The following MGAT4C variants were observed in gnomAD, a reference collection of about 807,000 sequenced individuals.
The protein encoded by MGAT4C is MGAT4 family member C, also known as alpha-1,3-mannosyl-glycoprotein 4-beta-N-acetylglucosaminyltransferase C.
In MGAT4C, 19 loss-of-function variants were observed where a neutral mutation model predicts 40.1. The ratio of observed to expected loss-of-function variants is 0.47; its 90% CI spans 0.33 to 0.70. The LOEUF is 0.70. MGAT4C is among the 30% of genes least tolerant of loss of function. MGAT4C has a pLI of 0.02. For synonymous variants in MGAT4C, 181 were observed against 187.1 expected, an observed-to-expected ratio of 0.97 and a Z score of 0.27; for missense variants, 491 against 563.2, an observed-to-expected ratio of 0.87 and a Z score of 1.30.
chr12:86,019,201 ATAACT>A (rs1234292357), intron 2 of MGAT4C, among the ~76,000 whole-genome samples: 2 of 152,144 alleles, frequency 1.3e-5, no homozygotes, highest in African/African-American at 4.8e-5. Flanking sequence ...GATGATGAAA[ATAACT>A]TAAGTCTTTC....
chr12:86,348,897 A>T (rs1955098351), intron 3 of MGAT4C, among the ~76,000 whole-genome samples: 1 of 152,044 alleles, frequency 6.6e-6, no homozygotes, highest in Non-Finnish European at 1.5e-5. Flanking sequence ...CTATTAATAG[A>T]TTTTATTTTA....
At chr12:86,490,240 C>G (rs1958106651) in intron 2 of MGAT4C, among the ~76,000 whole-genome samples, 1 of 152,070 alleles carries the variant, frequency 6.6e-6, no homozygotes, top group Non-Finnish European at 1.5e-5. Context: ...AGAAACCCTA[C>G]AAGCCAGAAG....
At chr12:86,496,651 A>G (rs1299902778) in intron 2 of MGAT4C, among the ~76,000 whole-genome samples, 2 of 152,022 alleles carry the variant, frequency 1.3e-5, no homozygotes, top group Non-Finnish European at 2.9e-5. Context: ...TTGTTAACAA[A>G]TCTGATTGCA....
At chr12:86,197,758 A>G (rs1949877713) in intron 1 of MGAT4C, among the ~76,000 whole-genome samples, 1 of 152,218 alleles carries the variant, frequency 6.6e-6, no homozygotes. Context: ...AAACATCATC[A>G]TCTTTTTAAC....
In MGAT4C at chr12:85,967,037, A is replaced by C. The variant is rs1490363668; in HGVS notation, c.*12252T>G. On this transcript the variant is annotated 3_prime_UTR_variant, in exon 5 of 5. Transcript: ENST00000611864. ...TTGTGCACATGTACCCTAAAACTTA[A>C]AGTATAATAATAAAAAAATTCTTAG... 6.6e-6 allele frequency: 1 copy of C among 152,164 alleles called. No individual in the cohort carries two copies. The highest frequency in any genetic ancestry group is 2.4e-5 in the African/African-American group (1 of 41,436). 9.4% of individuals were successfully genotyped at this position (152,164 alleles called of 1,614,324 possible).
intron 2 of MGAT4C, among the ~76,000 whole-genome samples, chr12:85,999,634 C>A (rs1887074554): frequency 6.8e-6 from 1 of 147,160 alleles, no homozygotes; most frequent in Non-Finnish European, 1.5e-5. Context: ...TACTATTTAG[C>A]CATAAAATAG....
chr12:86,224,064 G>T (rs190800774), intron 1 of MGAT4C, among the ~76,000 whole-genome samples: 2 of 152,098 alleles, frequency 1.3e-5, no homozygotes, highest in African/African-American at 4.8e-5. Flanking sequence ...TGGCCCGTGT[G>T]TACCTACTAA....
At chr12:86,488,987 G>A (rs1958077673) in intron 2 of MGAT4C, among the ~76,000 whole-genome samples, 1 of 152,136 alleles carries the variant, frequency 6.6e-6, no homozygotes, top group Non-Finnish European at 1.5e-5. Context: ...CAAAGTGGGA[G>A]CTTCTATCCC....
rs1368765339 is a variant in MGAT4C at position 86,477,089 on chromosome 12, A to AAT, written c.-228-41826_-228-41825dup. On this transcript the variant is annotated intron_variant, in intron 2 of 7. Transcript: ENST00000548651. Reference sequence around the variant, plus strand: ...ACCCCTGAATCCAAAATGAAAAATAAATATATATATATTTGTACTTATTAT... The same window carrying AAT: ...ACCCCTGAATCCAAAATGAAAAATAAATATATATATATATTTGTACTTATTAT... Among the ~76,000 whole-genome samples the AAT allele has an allele frequency of 3.4e-3, 514 of 151,942 alleles. 3 individuals are homozygous for AAT. Among genetic ancestry groups the AAT allele is most frequent in the African/African-American group, 0.012 (491 of 41,458 alleles).
At chr12:86,628,011 G>A (rs1448239340) in intron 2 of MGAT4C, among the ~76,000 whole-genome samples, 1 of 150,900 alleles carries the variant, frequency 6.6e-6, no homozygotes, top group Non-Finnish European at 1.5e-5. Context: ...AAGATTAGAT[G>A]TATGGCAAAC....
At chr12:86,679,158 A>T (rs1327395339) in intron 2 of MGAT4C, among the ~76,000 whole-genome samples, 2 of 151,896 alleles carry the variant, frequency 1.3e-5, no homozygotes, top group South Asian at 2.1e-4. Flanking sequence ...TGTGGTTTTG[A>T]TTTGCATTTT....
intron 2 of MGAT4C, among the ~76,000 whole-genome samples, chr12:86,444,158 C>T (rs1254883726): frequency 2.0e-5 from 3 of 152,128 alleles, no homozygotes; most frequent in Non-Finnish European, 2.9e-5. Context: ...ATCCATATCA[C>T]CAAAGGCACT....
chr12:86,660,106 T>C (rs1410419590), intron 2 of MGAT4C, among the ~76,000 whole-genome samples: 1 of 152,092 alleles, frequency 6.6e-6, no homozygotes, highest in Non-Finnish European at 1.5e-5. Flanking sequence ...ATTATGAAGT[T>C]GGAGCCTAAA....
At chr12:86,174,061 T>A (rs1013342621) in intron 1 of MGAT4C, among the ~76,000 whole-genome samples, 1 of 151,792 alleles carries the variant, frequency 6.6e-6, no homozygotes, top group Non-Finnish European at 1.5e-5. Flanking sequence ...AATGCCATGA[T>A]CTGTGCTTTT....
At chr12:86,813,396 C>T (rs1772911766) in intron 1 of MGAT4C, among the ~76,000 whole-genome samples, 1 of 143,024 alleles carries the variant, frequency 7.0e-6, no homozygotes, top group Non-Finnish European at 1.5e-5. Context: ...TTTAATCTAC[C>T]TGATTTAATT....
At chr12:86,563,796 A>T (rs1959972185) in intron 2 of MGAT4C, among the ~76,000 whole-genome samples, 1 of 152,182 alleles carries the variant, frequency 6.6e-6, no homozygotes, top group South Asian at 2.1e-4. Flanking sequence ...TATGGAGGTC[A>T]GGTAATTAAT....
chr12:86,558,355 A>G (rs971376782), intron 2 of MGAT4C, among the ~76,000 whole-genome samples: 3 of 152,126 alleles, frequency 2.0e-5, no homozygotes, highest in Non-Finnish European at 4.4e-5. Context: ...TATGAAGCTC[A>G]AAGATTCCCA....
chr12:86,696,885 A>ATTC (rs1451356765), intron 2 of MGAT4C, among the ~76,000 whole-genome samples: 1 of 152,154 alleles, frequency 6.6e-6, no homozygotes, highest in African/African-American at 2.4e-5. Context: ...AGAAAGCTAT[A>ATTC]TTCTGAACTA....
chr12:86,558,944 C>T (rs566973398), intron 2 of MGAT4C, among the ~76,000 whole-genome samples: 41 of 151,778 alleles, frequency 2.7e-4, no homozygotes, highest in African/African-American at 4.3e-4. Context: ...AAAAACAATG[C>T]GCCAACTACA....
Sources: gnomAD v4.1 joint callset for allele counts (sites outside exome capture counted in the v4.1 genomes callset) on GRCh38, gnomAD v4.1.1 for gene constraint, MANE v1.5 for transcripts, NCBI Gene and HGNC (gene_info 2026-07-23, HGNC 2026-07-21) for gene names.